EFL1: variants seen among roughly 807,000 people sequenced by gnomAD.
EFL1 encodes the protein elongation factor-like GTPase 1.
Under a neutral mutation model 126.7 loss-of-function variants are expected in EFL1, and 76 were observed. The observed-to-expected ratio is 0.60, with a 90% CI of 0.50 to 0.73. The LOEUF (loss-of-function observed/expected upper bound fraction) is 0.73. EFL1 is among the 30% of genes least tolerant of loss of function. EFL1 has a pLI of 0.00. For synonymous variants in EFL1, 410 were observed against 448.4 expected, an observed-to-expected ratio of 0.91 and a Z score of 1.08; for missense variants, 1,128 against 1,343.2, an observed-to-expected ratio of 0.84 and a Z score of 2.50.
chr15:82,155,819 T>C (rs2073961599), intron 17 of EFL1, among the ~76,000 whole-genome samples: 1 of 152,244 alleles, frequency 6.6e-6, no homozygotes, highest in Admixed American at 6.5e-5. Flanking sequence ...TTGCATTCCA[T>C]CAATTAGTAA....
At chr15:82,185,169 C>CTGTGTGTGTGTG (rs71156029) in intron 15 of EFL1, among the ~76,000 whole-genome samples, 2 of 139,990 alleles carry the variant, frequency 1.4e-5, no homozygotes, top group Non-Finnish European at 3.1e-5. Context: ...TCATGTGTGG[C>CTGTGTGTGTGTG]TGTGTGTGTG....
rs541002901 is a variant in EFL1, at chr15:82,232,204, G to A, written c.732-1233C>T. Among the ~76,000 whole-genome samples, 17 of 152,300 alleles carry A rather than the reference G, an allele frequency of 1.1e-4. No homozygotes were observed. In the South Asian group the frequency reaches 3.3e-3, roughly 30 times the overall value. On this transcript the variant is annotated intron_variant, in intron 7 of 19. Coordinates refer to ENST00000268206, the MANE Select transcript of EFL1 (RefSeq NM_024580.6). ...CTAACCTTAGAAGGGAGCCCTATTT[G>A]TTAGTAGTGATGCTCCCTGGGGCCT...
chr15:82,167,305 T>G (rs561415593), intron 15 of EFL1, among the ~76,000 whole-genome samples: 1 of 152,178 alleles, frequency 6.6e-6, no homozygotes, highest in Non-Finnish European at 1.5e-5. Context: ...CAAATAAAAT[T>G]AAATAAATTG....
At chr15:82,191,195 A>C (rs2074355998) in intron 15 of EFL1, among the ~76,000 whole-genome samples, 1 of 152,190 alleles carries the variant, frequency 6.6e-6, no homozygotes, top group African/African-American at 2.4e-5. Context: ...GCAGTAAGTT[A>C]CACCCATTCA....
Position 82,227,508 on chromosome 15 carries a change from C to T in EFL1, c.1134G>A (p.Met378Ile), listed in dbSNP as rs752656738. ...DITAERVERLMCTGSQTFDSF... is the reference protein window; with the variant it reads ...DITAERVERLICTGSQTFDSF... ...AGTCAAAAGTTTGTGATCCTGTGCA[C>T]ATCAGTCTCTCCACTCTCTCAGCTG... Residue 378 changes from methionine to isoleucine, a missense_variant, in exon 11 of 20, where the codon ATG (methionine) becomes ATA (isoleucine). Met to Ile is a conservative substitution (Grantham distance 10, BLOSUM62 1). Coordinates refer to ENST00000268206, the MANE Select transcript of EFL1 (RefSeq NM_024580.6). 2.5e-6 allele frequency: 4 copies of T among 1,614,078 alleles called. No homozygotes were observed. The highest frequency in any genetic ancestry group is 2.7e-5 in the African/African-American group (2 of 74,932).
At chr15:82,244,361 T>C (rs923314752) in intron 4 of EFL1, among the ~76,000 whole-genome samples, 6 of 152,148 alleles carry the variant, frequency 3.9e-5, no homozygotes, top group Non-Finnish European at 5.9e-5. Flanking sequence ...ATTATTGTTA[T>C]TGCCAGTATT....
intron 15 of EFL1, among the ~76,000 whole-genome samples, chr15:82,208,953 A>G (rs192188452): frequency 3.3e-5 from 5 of 152,254 alleles, no homozygotes; most frequent in Admixed American, 2.6e-4. Flanking sequence ...TCTTATAAGC[A>G]ATATGAAAAT....
chr15:82,142,422 G>A (rs182042395), intron 18 of EFL1, among the ~76,000 whole-genome samples: 2 of 152,214 alleles, frequency 1.3e-5, no homozygotes, highest in East Asian at 3.9e-4. Flanking sequence ...CTCAGGAGTT[G>A]GAGGCTGCAG....
At chr15:82,237,870 A>C (rs1252969042) in intron 7 of EFL1, among the ~76,000 whole-genome samples, 1 of 152,196 alleles carries the variant, frequency 6.6e-6, no homozygotes, top group Non-Finnish European at 1.5e-5. Flanking sequence ...AATAACTTGG[A>C]TAAGTCTCTA....
Position 82,165,329 on chromosome 15 carries a change from T to C in EFL1, c.1751-1345A>G, listed in dbSNP as rs375414113. On this transcript the variant is annotated intron_variant, in intron 15 of 19. Transcript: ENST00000268206. ...ACACACACGGGCCATTTTTGTGCTT[T>C]TGGGTTGAAGAAAGGAAACAAAGAA... Among the ~76,000 whole-genome samples the C allele has an allele frequency of 7.0e-4, 106 of 152,260 alleles. 2 individuals are homozygous for C. In the South Asian group the frequency reaches 7.5e-3, roughly 11 times the overall value.
chr15:82,184,618 T>C (rs9920827), intron 15 of EFL1, among the ~76,000 whole-genome samples: 56,335 of 152,110 alleles, frequency 0.37, 11,697 homozygotes, highest in African/African-American at 0.56. Flanking sequence ...TAAAATGAGA[T>C]GAAGAGCAAA....
chr15:82,137,524 C>G (rs111781727), intron 19 of EFL1, among the ~76,000 whole-genome samples: 4 of 152,188 alleles, frequency 2.6e-5, no homozygotes. Flanking sequence ...ATGTCAGGAA[C>G]TAGGTTAGAT....
At chr15:82,184,427 C>G (rs990918180) in intron 15 of EFL1, among the ~76,000 whole-genome samples, 1 of 152,184 alleles carries the variant, frequency 6.6e-6, no homozygotes, top group African/African-American at 2.4e-5. Context: ...TCAGGTTGAC[C>G]TGTGAACCAT....
intron 8 of EFL1, among the ~76,000 whole-genome samples, chr15:82,230,186 A>T (rs1463655704): frequency 6.6e-6 from 1 of 152,200 alleles, no homozygotes; most frequent in Non-Finnish European, 1.5e-5. Flanking sequence ...AAGAAATTAT[A>T]AACATCTACT....
intron 4 of EFL1, among the ~76,000 whole-genome samples, chr15:82,246,400 G>A (rs893270676): frequency 6.6e-6 from 1 of 152,102 alleles, no homozygotes; most frequent in Non-Finnish European, 1.5e-5. Context: ...CTGGAGAGAA[G>A]GTCATAGATC....
chr15:82,247,454 G>A (rs1259367472), intron 4 of EFL1, among the ~76,000 whole-genome samples: 1 of 152,220 alleles, frequency 6.6e-6, no homozygotes, highest in East Asian at 1.9e-4. Flanking sequence ...ACCAGGAGCT[G>A]ACAATGACTG....
chr15:82,169,588 T>C (rs1362391138), intron 15 of EFL1, among the ~76,000 whole-genome samples: 3 of 152,240 alleles, frequency 2.0e-5, no homozygotes, highest in East Asian at 1.9e-4. Flanking sequence ...ACTTTTATCA[T>C]TCATATTAGT....
At chr15:82,208,392 C>T (rs1334208481) in intron 15 of EFL1, among the ~76,000 whole-genome samples, 1 of 152,140 alleles carries the variant, frequency 6.6e-6, no homozygotes, top group East Asian at 1.9e-4. Context: ...GCTAGTGCAA[C>T]TGATGGGTAA....
At chr15:82,190,050 G>A (rs1339085897) in intron 15 of EFL1, among the ~76,000 whole-genome samples, 1 of 151,520 alleles carries the variant, frequency 6.6e-6, no homozygotes, top group Admixed American at 6.6e-5. Flanking sequence ...CCGGGAGGCG[G>A]AGGTTGCAGT....
Sources: gnomAD v4.1 joint callset for allele counts (sites outside exome capture counted in the v4.1 genomes callset) on GRCh38, gnomAD v4.1.1 for gene constraint, MANE v1.5 for transcripts, NCBI Gene and HGNC (gene_info 2026-07-23, HGNC 2026-07-21) for gene names.